Variants in STXBP5L observed in about 807,000 individuals in gnomAD.
The protein encoded by STXBP5L is syntaxin binding protein 5L, also known as syntaxin-binding protein 5-like.
A neutral mutation model predicts 144.5 loss-of-function variants in STXBP5L; 65 were observed. The ratio of observed to expected loss-of-function variants is 0.45; its 90% confidence interval spans 0.37 to 0.55. STXBP5L has a LOEUF of 0.55. Among genes scored for constraint, STXBP5L ranks in the 20% least tolerant of loss-of-function variants. The pLI is 0.00. For synonymous variants in STXBP5L, 505 were observed against 469.6 expected (o/e 1.08, Z -0.97); for missense variants, 1,298 against 1,405.5 (o/e 0.92, Z 1.22).
intron 20 of STXBP5L, among the ~76,000 whole-genome samples, chr3:121,353,111 C>T (rs878868175): frequency 6.6e-6 from 1 of 151,988 alleles, no homozygotes; most frequent in South Asian, 2.1e-4. Context: ...TTTTTGCATC[C>T]ATGTTCGTCA....
chr3:121,257,188 G>A lies in STXBP5L; in HGVS notation c.1687G>A (p.Val563Ile), dbSNP rs1304923637. Residue 563 changes from valine to isoleucine, a missense_variant, in exon 17 of 27, where the codon GTT becomes ATT. Coordinates refer to ENST00000471454, the MANE Select transcript of STXBP5L (RefSeq NM_001308330.2). ...ATTAGAGGTACGACTTCAGTATGAT[G>A]TTGAAGATATTATTACCCCTGAACC... ...VSLEVRLQYD[V>I]EDIITPEPET... 2 of 1,612,962 alleles carry A rather than the reference G, an allele frequency of 1.2e-6. No homozygotes were observed. The highest frequency in any genetic ancestry group is 3.3e-5 in the Admixed American group (2 of 59,980).
At chr3:121,044,762 T>TCA (rs1025707090) in intron 4 of STXBP5L, among the ~76,000 whole-genome samples, 3 of 152,140 alleles carry the variant, frequency 2.0e-5, no homozygotes, top group African/African-American at 7.2e-5. Context: ...TCTGCCACAT[T>TCA]AAGAGGTAGA....
intron 3 of STXBP5L, among the ~76,000 whole-genome samples, chr3:121,018,196 A>T (rs1945279612): frequency 6.6e-6 from 1 of 152,206 alleles, no homozygotes; most frequent in African/African-American, 2.4e-5. Flanking sequence ...TAGTCCCAGC[A>T]AGTTATTTTG....
chr3:121,407,134 G>A (rs1055805297), intron 22 of STXBP5L, 109 bp from the exon 23 acceptor site: 10 of 1,304,650 alleles, frequency 7.7e-6, no homozygotes, highest in Middle Eastern at 2.0e-4. Flanking sequence ...ATACATTAGG[G>A]CAATATTATG....
chr3:121,289,815 G>T (rs927370215), intron 19 of STXBP5L, among the ~76,000 whole-genome samples: 2 of 152,112 alleles, frequency 1.3e-5, no homozygotes, highest in African/African-American at 4.8e-5. Flanking sequence ...TGATAGTTGG[G>T]TCAACAATGA....
intron 3 of STXBP5L, among the ~76,000 whole-genome samples, chr3:121,017,122 G>A (rs567907119): frequency 7.2e-5 from 11 of 151,912 alleles, no homozygotes; most frequent in African/African-American, 1.2e-4. Flanking sequence ...GTTATACAAG[G>A]CTCATTTAGC....
At position 121,375,441 on chromosome 3, in the gene STXBP5L, C is replaced by T. The variant is rs139794233; in HGVS notation, c.2177-3275C>T. Among the ~76,000 whole-genome samples, 64 of 152,220 alleles carry T rather than the reference C, an allele frequency of 4.2e-4. 1 individual carries two copies. In the East Asian group the frequency reaches 0.01, roughly 25 times the overall value. On this transcript the variant is annotated intron_variant, in intron 20 of 26. Transcript: ENST00000471454. Reference sequence around the variant, plus strand: ...CCCTGTAGTCAAATGTTTAAGCATACAGACAGTAAGTGAGCAACTCTGGAT... The same window carrying T: ...CCCTGTAGTCAAATGTTTAAGCATATAGACAGTAAGTGAGCAACTCTGGAT...
In STXBP5L at chr3:121,090,281, A is replaced by G. The variant is rs543177738; in HGVS notation, c.471-24644A>G. ...GTGGGAATTGAAGTTCAGGTGCTCC[A>G]TTTAAACTCACTGACATCTTAGATA... On this transcript the variant is annotated intron_variant, in intron 5 of 26. Transcript: ENST00000471454. Among the ~76,000 whole-genome samples, 4 of 152,218 alleles carry G rather than the reference A, an allele frequency of 2.6e-5. No individual in the cohort carries two copies. In the East Asian group the frequency reaches 7.7e-4, roughly 29 times the overall value.
chr3:120,980,903 A>G (rs1480432745), intron 3 of STXBP5L, among the ~76,000 whole-genome samples: 1 of 152,166 alleles, frequency 6.6e-6, no homozygotes, highest in Non-Finnish European at 1.5e-5. Context: ...TCTAGTAGTG[A>G]TGAATTCCCT....
chr3:120,962,943 T>G (rs557993060), intron 3 of STXBP5L, among the ~76,000 whole-genome samples: 1 of 152,200 alleles, frequency 6.6e-6, no homozygotes, highest in African/African-American at 2.4e-5. Context: ...TGTCCTCTTT[T>G]ATTTCATTGA....
intron 22 of STXBP5L, among the ~76,000 whole-genome samples, chr3:121,405,560 C>G (rs747706830): frequency 2.6e-5 from 4 of 152,062 alleles, no homozygotes; most frequent in Non-Finnish European, 5.9e-5. Context: ...GAGTAAAGTA[C>G]ACTCCTAGCC....
intron 19 of STXBP5L, among the ~76,000 whole-genome samples, chr3:121,292,800 G>A (rs2051493327): frequency 6.6e-6 from 1 of 152,170 alleles, no homozygotes; most frequent in African/African-American, 2.4e-5. Flanking sequence ...ACCAAACATT[G>A]TAAGTTCTCA....
chr3:121,324,375 C>T, intron 20 of STXBP5L: 2 of 544,056 alleles, frequency 3.7e-6, no homozygotes, highest in Non-Finnish European at 6.4e-6. Flanking sequence ...GATAAGGATA[C>T]AAAATGCAGA....
intron 20 of STXBP5L, among the ~76,000 whole-genome samples, chr3:121,346,806 G>A (rs545196369): frequency 2.0e-5 from 3 of 151,884 alleles, no homozygotes; most frequent in African/African-American, 7.2e-5. Context: ...GTTGTTTGTT[G>A]TTTTCTTGTA....
At chr3:121,393,656 A>T (rs1443559046) in intron 22 of STXBP5L, among the ~76,000 whole-genome samples, 1 of 151,980 alleles carries the variant, frequency 6.6e-6, no homozygotes, top group African/African-American at 2.4e-5. Flanking sequence ...ATATGGTTAT[A>T]CAATTTTTGC....
intron 20 of STXBP5L, among the ~76,000 whole-genome samples, chr3:121,344,862 A>G (rs1443265214): frequency 1.3e-5 from 2 of 151,506 alleles, no homozygotes; most frequent in Non-Finnish European, 2.9e-5. Flanking sequence ...TACATCTTCA[A>G]GGTGACCATT....
chr3:121,208,069 A>G (rs1280553746), intron 10 of STXBP5L, among the ~76,000 whole-genome samples: 2 of 152,202 alleles, frequency 1.3e-5, no homozygotes, highest in Non-Finnish European at 2.9e-5. Flanking sequence ...AATAGTAAAG[A>G]CTTGGAACCA....
At chr3:121,199,942 T>C (rs1272553277) in intron 9 of STXBP5L, among the ~76,000 whole-genome samples, 3 of 152,132 alleles carry the variant, frequency 2.0e-5, no homozygotes, top group East Asian at 3.8e-4. Context: ...GCCTGAAATT[T>C]TCTTTTTTTC....
intron 9 of STXBP5L, among the ~76,000 whole-genome samples, chr3:121,200,227 A>G (rs547131895): frequency 3.9e-4 from 60 of 152,312 alleles, no homozygotes; most frequent in African/African-American, 1.2e-3. Flanking sequence ...GTATGTGTCC[A>G]GGAATTTATC....
Sources: allele counts gnomAD v4.1 joint callset (sites outside exome capture counted in the v4.1 genomes callset), GRCh38; gene constraint gnomAD v4.1.1; transcripts MANE v1.5; gene names NCBI Gene and HGNC (gene_info 2026-07-23, HGNC 2026-07-21).